The following TAFA1 variants were observed in gnomAD, a reference collection of about 807,000 sequenced individuals.
TAFA1 encodes chemokine-like protein TAFA-1.
TAFA1 carries 4 observed loss-of-function variants against 18.5 expected under a neutral mutation model. That is an observed-to-expected ratio of 0.22 (90% CI 0.11 to 0.49). TAFA1 has a LOEUF of 0.49. TAFA1 is among the 20% of genes least tolerant of loss of function. The pLI is 0.98. For missense variants in TAFA1, 147 were observed against 169.0 expected (o/e 0.87, Z 0.72); for synonymous variants, 56 against 55.2 (o/e 1.01, Z -0.06).
intron 3 of TAFA1, among the ~76,000 whole-genome samples, chr3:68,469,648 G>A (rs2106944019): frequency 6.6e-6 from 1 of 152,258 alleles, no homozygotes; most frequent in South Asian, 2.1e-4. Context: ...ACTCCAGCCT[G>A]GGCAAGAGAG....
intron 4 of TAFA1, 62 bp downstream of exon 4, chr3:68,538,942 T>A (rs1282091851): frequency 6.4e-7 from 1 of 1,562,032 alleles, no homozygotes; most frequent in Admixed American, 1.8e-5. Context: ...GAGTTTGTGC[T>A]GTGCAAACAG....
At position 68,094,677 on chromosome 3, in the gene TAFA1, C is replaced by G. The variant is rs1024493916; in HGVS notation, c.118+87933C>G. On this transcript the variant is annotated intron_variant, in intron 2 of 4. Transcript: ENST00000478136. ...GAGAGATCAATTTTTCTAATCCTAG[C>G]TCTGGCAAGTTATTTAACCCCCATG... Among the ~76,000 whole-genome samples, 3 of 152,090 alleles carry G rather than the reference C, an allele frequency of 2.0e-5. No individual in the cohort carries two copies. The South Asian group carries it at 6.2e-4, about 32-fold the overall frequency.
chr3:68,162,741 A>G (rs2065940653), intron 2 of TAFA1, among the ~76,000 whole-genome samples: 1 of 152,216 alleles, frequency 6.6e-6, no homozygotes, highest in Admixed American at 6.5e-5. Context: ...CAAGTGAAAT[A>G]TTTTAAGCCC....
At chr3:68,385,159 A>G (rs1239555377) in intron 2 of TAFA1, among the ~76,000 whole-genome samples, 1 of 152,014 alleles carries the variant, frequency 6.6e-6, no homozygotes, top group South Asian at 2.1e-4. Context: ...AATAGAGCCT[A>G]CCTCACTGGG....
intron 3 of TAFA1, among the ~76,000 whole-genome samples, chr3:68,489,723 T>C (rs1419378244): frequency 9.9e-5 from 15 of 152,226 alleles, no homozygotes; most frequent in Non-Finnish European, 4.4e-5. Context: ...AATATACTAG[T>C]AGCCATTGTT....
intron 2 of TAFA1, among the ~76,000 whole-genome samples, chr3:68,272,904 T>C (rs1288946623): frequency 1.3e-5 from 2 of 152,164 alleles, no homozygotes; most frequent in Non-Finnish European, 2.9e-5. Context: ...AGCTTTGAAT[T>C]CAAATCCCAT....
intron 2 of TAFA1, among the ~76,000 whole-genome samples, chr3:68,379,397 A>G (rs918154798): frequency 6.6e-6 from 1 of 152,192 alleles, no homozygotes; most frequent in Non-Finnish European, 1.5e-5. Context: ...ATATTAGACC[A>G]TTGTCAGATG....
At chr3:68,415,475 C>G (rs1184100888) in intron 2 of TAFA1, among the ~76,000 whole-genome samples, 1 of 152,078 alleles carries the variant, frequency 6.6e-6, no homozygotes. Flanking sequence ...CTGGCAAAAT[C>G]ATTTGTGTTG....
At position 68,544,516 on chromosome 3, in the gene TAFA1, T is replaced by C. The variant is rs1055599670; in HGVS notation, c.*13T>C. ...CCCAAGAACCTAACAGAAGCATTTG[T>C]GGTAGTAAAGGAAAACCAACCCTCT... On this transcript the variant is annotated 3_prime_UTR_variant, in exon 5 of 5. Coordinates refer to ENST00000478136, the MANE Select transcript of TAFA1 (RefSeq NM_213609.4). 1.1e-5 allele frequency: 17 copies of C among 1,612,328 alleles called. No individual in the cohort carries two copies. The highest frequency in any genetic ancestry group is 1.4e-5 in the Non-Finnish European group (17 of 1,178,794).
intron 2 of TAFA1, among the ~76,000 whole-genome samples, chr3:68,219,839 T>A (rs2066708213): frequency 6.6e-6 from 1 of 152,078 alleles, no homozygotes. Flanking sequence ...CTTGGGAGCA[T>A]CTTAAATTCT....
the TAFA1 span, among the ~76,000 whole-genome samples, chr3:67,992,736 T>C: frequency 1.3e-5 from 2 of 152,220 alleles, no homozygotes; most frequent in Non-Finnish European, 2.9e-5. Context: ...ACTCTATTCT[T>C]ATCCTTCTCC....
intron 2 of TAFA1, among the ~76,000 whole-genome samples, chr3:68,334,223 T>C (rs890860281): frequency 6.6e-6 from 1 of 152,178 alleles, no homozygotes; most frequent in African/African-American, 2.4e-5. Context: ...TACTATGCAT[T>C]TATACATAGA....
chr3:68,224,866 T>A (rs1183704503), intron 2 of TAFA1, among the ~76,000 whole-genome samples: 1 of 151,280 alleles, frequency 6.6e-6, no homozygotes, highest in Non-Finnish European at 1.5e-5. Flanking sequence ...CCTTGCTGTT[T>A]GACTTTTCCA....
rs554132834 is a variant in TAFA1, at chr3:68,117,281, G to A, written c.118+110537G>A. Among the ~76,000 whole-genome samples, 8 of 152,202 alleles carry A rather than the reference G, an allele frequency of 5.3e-5. No individual in the cohort carries two copies. In the East Asian group the frequency reaches 5.8e-4, roughly 11 times the overall value. On this transcript the variant is annotated intron_variant, in intron 2 of 4. Coordinates refer to ENST00000478136, the MANE Select transcript of TAFA1 (RefSeq NM_213609.4). ...TATGGGAAGATATGAATCAATTTAC[G>A]CAAAACTTCTCAGGAGCACATTAAT...
intron 3 of TAFA1, among the ~76,000 whole-genome samples, chr3:68,507,471 G>A (rs556313405): frequency 6.6e-6 from 1 of 151,946 alleles, no homozygotes; most frequent in Non-Finnish European, 1.5e-5. Flanking sequence ...AAAAACAGTT[G>A]ATTAAAACTA....
intron 2 of TAFA1, among the ~76,000 whole-genome samples, chr3:68,374,094 C>A (rs1328989381): frequency 1.3e-5 from 2 of 152,174 alleles, no homozygotes; most frequent in African/African-American, 4.8e-5. Context: ...CTCTTTGCAT[C>A]TCTACCCTGC....
chr3:68,167,901 A>G (rs1018244085), intron 2 of TAFA1, among the ~76,000 whole-genome samples: 1 of 152,144 alleles, frequency 6.6e-6, no homozygotes, highest in Non-Finnish European at 1.5e-5. Flanking sequence ...AAATAAATAA[A>G]TAAATAATTC....
chr3:68,496,159 G>T (rs573199408), intron 3 of TAFA1, among the ~76,000 whole-genome samples: 1 of 152,156 alleles, frequency 6.6e-6, no homozygotes, highest in African/African-American at 2.4e-5. Context: ...AAAGATCAGC[G>T]TTAACGAGAA....
intron 2 of TAFA1, among the ~76,000 whole-genome samples, chr3:68,272,164 TG>T: frequency 6.6e-6 from 1 of 152,314 alleles, no homozygotes; most frequent in South Asian, 2.1e-4. Flanking sequence ...GGTGAAAAGC[TG>T]CTCTTTTGTA....
Sources: allele counts gnomAD v4.1 joint callset (sites outside exome capture counted in the v4.1 genomes callset), GRCh38; gene constraint gnomAD v4.1.1; transcripts MANE v1.5; gene names NCBI Gene and HGNC (gene_info 2026-07-23, HGNC 2026-07-21).